The following CFAP47 variants were observed in gnomAD, a reference collection of about 807,000 sequenced individuals.
CFAP47 encodes the protein cilia and flagella associated protein 47, also known as cilia- and flagella-associated protein 47.
A neutral mutation model predicts 148.1 loss-of-function variants in CFAP47; 29 were observed. The ratio of observed to expected loss-of-function variants is 0.20; its 90% CI spans 0.15 to 0.27. The LOEUF is 0.27. Ranked by LOEUF, CFAP47 falls within the 10% of genes least tolerant of loss-of-function variation. The pLI is 1.00. For missense variants in CFAP47, 1,872 were observed against 1,697.5 expected, an observed-to-expected ratio of 1.10 and a Z score of -1.81; for synonymous variants, 664 against 577.3, an observed-to-expected ratio of 1.15 and a Z score of -2.15.
At chrX:36,294,903 A>G (rs1370862768) in intron 51 of CFAP47, among the ~76,000 whole-genome samples, 1 of 111,484 alleles carries the variant, frequency 9.0e-6, no homozygotes, top group African/African-American at 3.3e-5. Context: ...CCTCTTCTAC[A>G]TGAGTGGTTA....
intron 50 of CFAP47, among the ~76,000 whole-genome samples, chrX:36,282,116 G>A (rs1941085309): frequency 2.7e-5 from 3 of 110,929 alleles, no homozygotes; most frequent in South Asian, 7.5e-4. Flanking sequence ...TCATGATGTT[G>A]ATCTGACATC....
At chrX:35,939,385 C>G (rs973166733) in intron 2 of CFAP47, among the ~76,000 whole-genome samples, 5 of 103,873 alleles carry the variant, frequency 4.8e-5, no homozygotes, top group Admixed American at 1.1e-4. Flanking sequence ...TGCTGGTGTG[C>G]TGCACCCATT....
At chrX:36,214,834 G>C in intron 45 of CFAP47, among the ~76,000 whole-genome samples, 1 of 110,709 alleles carries the variant, frequency 9.0e-6, no homozygotes, top group Non-Finnish European at 1.9e-5. Flanking sequence ...TTTTATTTTG[G>C]AATACCTCCT....
intron 57 of CFAP47, among the ~76,000 whole-genome samples, chrX:36,324,392 T>A (rs1556012630): frequency 9.1e-6 from 1 of 110,343 alleles, no homozygotes; most frequent in Non-Finnish European, 1.9e-5. Flanking sequence ...AATAAAGTAC[T>A]ACTTTACAAA....
Position 36,201,498 on chromosome X carries a change from G to A in CFAP47, c.6661G>A (p.Glu2221Lys), listed in dbSNP as rs782168207. The stretch of plus-strand genomic sequence containing the variant: ...CGCCCTCCTGGGACTGACGAAGATC[G>A]AGGTGGGAATGGAGTAATAGATGAT... ...AIALLGLTKI[E>K]TLMLFRISKL... The change falls in exon 44 of 64, where the codon GAG becomes AAG. Residue 2221 changes from glutamate to lysine, a missense_variant and splice_region_variant. Physicochemically the swap from Glu to Lys is moderately conservative, Grantham distance 56. Coordinates refer to ENST00000378653, the MANE Select transcript of CFAP47 (RefSeq NM_001304548.2). 4.3e-4 allele frequency: 127 copies of A among 295,033 alleles called. No homozygotes were observed. Among genetic ancestry groups the A allele is most frequent in the African/African-American group, 3.1e-3 (114 of 36,339 alleles). 24.3% of individuals were successfully genotyped at this position (295,033 alleles called of 1,213,427 possible).
chrX:36,214,391 G>C (rs1408384712), intron 45 of CFAP47, among the ~76,000 whole-genome samples: 1 of 111,236 alleles, frequency 9.0e-6, no homozygotes, highest in African/African-American at 3.3e-5. Flanking sequence ...GAAGATTACT[G>C]TACATTCCTG....
chrX:36,244,407 A>C (rs1555996654), intron 48 of CFAP47, among the ~76,000 whole-genome samples: 1 of 111,462 alleles, frequency 9.0e-6, no homozygotes, highest in African/African-American at 3.3e-5. Context: ...AATGATACTG[A>C]GACACATAAA....
Position 35,920,861 on chromosome X carries a change from G to GA in CFAP47, c.249+821dup, listed in dbSNP as rs1019178949. Among the ~76,000 whole-genome samples, 5 of 110,744 alleles carry GA rather than the reference G, an allele frequency of 4.5e-5. No individual in the cohort carries two copies. The South Asian group carries it at 1.5e-3, about 33-fold the overall frequency. On this transcript the variant is annotated intron_variant, in intron 1 of 63. Coordinates refer to ENST00000378653, the MANE Select transcript of CFAP47 (RefSeq NM_001304548.2). ...TGAATACAGCTGGACTATATGTGCA[G>GA]AAAAAAAAGATGTCCGTAATTTTAG...
At chrX:36,233,427 G>C (rs1226299403) in intron 46 of CFAP47, among the ~76,000 whole-genome samples, 6 of 111,005 alleles carry the variant, frequency 5.4e-5, no homozygotes, top group East Asian at 2.8e-4. Context: ...TCAGAGACTA[G>C]GATTGCAACC....
chrX:36,102,813 A>C (rs928661544), intron 32 of CFAP47, among the ~76,000 whole-genome samples: 5 of 111,987 alleles, frequency 4.5e-5, no homozygotes, highest in African/African-American at 1.6e-4. Context: ...AATACGTGAG[A>C]TTTGAAATGT....
rs184678680 is a variant in CFAP47 at position 36,374,470 on chromosome X, T to C, written c.9186-4880T>C. On this transcript the variant is annotated intron_variant, in intron 62 of 63. Transcript: ENST00000378653. The stretch of plus-strand genomic sequence containing the variant: ...CACTCATGGTTTGTCAATTTAAAAT[T>C]TATTTTTAAAATACTCTTTGTTTTG... Among the ~76,000 whole-genome samples, 707 of 111,353 alleles carry C rather than the reference T, an allele frequency of 6.3e-3. 5 individuals carry two copies. Among genetic ancestry groups the C allele is most frequent in the Non-Finnish European group, 9.0e-3 (478 of 53,017 alleles).
At chrX:35,968,547 A>G (rs1394099319) in intron 10 of CFAP47, among the ~76,000 whole-genome samples, 2 of 111,482 alleles carry the variant, frequency 1.8e-5, no homozygotes, top group Non-Finnish European at 3.8e-5. Context: ...GTATGCTACT[A>G]GTAAAGTATC....
chrX:36,037,508 G>T (rs573682510), intron 24 of CFAP47, among the ~76,000 whole-genome samples: 1 of 110,757 alleles, frequency 9.0e-6, no homozygotes, highest in Non-Finnish European at 1.9e-5. Flanking sequence ...GACTAGAGGC[G>T]CACTCCACCA....
At chrX:36,263,279 T>C (rs1940851233) in intron 49 of CFAP47, among the ~76,000 whole-genome samples, 1 of 112,083 alleles carries the variant, frequency 8.9e-6, no homozygotes, top group Non-Finnish European at 1.9e-5. Context: ...GGGAGCTCCA[T>C]CGTATGTTAT....
chrX:36,320,641 T>G (rs1941471388), intron 57 of CFAP47, among the ~76,000 whole-genome samples: 1 of 112,363 alleles, frequency 8.9e-6, no homozygotes, highest in African/African-American at 3.2e-5. Flanking sequence ...TCACAAAAGA[T>G]AAAGTACAAA....
chrX:36,325,061 C>T (rs1556012764), intron 57 of CFAP47, among the ~76,000 whole-genome samples: 2 of 111,111 alleles, frequency 1.8e-5, no homozygotes, highest in African/African-American at 6.5e-5. Flanking sequence ...TTTTACTCTT[C>T]CTCAACATTT....
chrX:36,171,774 G>A (rs185399549), intron 39 of CFAP47, among the ~76,000 whole-genome samples: 14 of 111,568 alleles, frequency 1.3e-4, no homozygotes, highest in South Asian at 7.6e-4. Flanking sequence ...TTGACTTGGC[G>A]ATGCGGGCTA....
At chrX:36,343,482 G>A (rs1475633558) in intron 57 of CFAP47, among the ~76,000 whole-genome samples, 3 of 112,094 alleles carry the variant, frequency 2.7e-5, no homozygotes, top group African/African-American at 9.7e-5. Flanking sequence ...TACACTGTTG[G>A]TGGGAGTGTA....
At chrX:36,007,747 G>A (rs903070946) in intron 21 of CFAP47, among the ~76,000 whole-genome samples, 3 of 111,736 alleles carry the variant, frequency 2.7e-5, no homozygotes, top group Non-Finnish European at 3.8e-5. Context: ...GTTAAGAGAA[G>A]ACAAGTCCAG....
Sources: allele counts gnomAD v4.1 joint callset (sites outside exome capture counted in the v4.1 genomes callset), GRCh38; gene constraint gnomAD v4.1.1; transcripts MANE v1.5; gene names NCBI Gene and HGNC (gene_info 2026-07-23, HGNC 2026-07-21).